The following FRYL variants were observed in gnomAD, a reference collection of about 807,000 sequenced individuals.
FRYL encodes protein furry homolog-like.
In FRYL, 150 loss-of-function variants were observed where a neutral mutation model predicts 351.2. The ratio of observed to expected loss-of-function variants is 0.43; its 90% confidence interval spans 0.37 to 0.49. The LOEUF (loss-of-function observed/expected upper bound fraction) is 0.49. FRYL is among the 20% of genes least tolerant of loss of function. The pLI, the probability that FRYL is intolerant of heterozygous loss-of-function variation, is 0.00. For synonymous variants in FRYL, 1,153 were observed against 1,257.1 expected (o/e 0.92, Z 1.75); for missense variants, 3,036 against 3,619.3 (o/e 0.84, Z 4.13).
chr4:48,505,345 G>A (rs1372120826), intron 60 of FRYL: 11 of 624,882 alleles, frequency 1.8e-5, no homozygotes, highest in Admixed American at 1.4e-4. Flanking sequence ...CAAGCTGGTC[G>A]TTCATTTTTA....
chr4:48,769,872 T>TA (rs1338968778), intron 1 of FRYL, among the ~76,000 whole-genome samples: 2 of 152,092 alleles, frequency 1.3e-5, no homozygotes, highest in African/African-American at 2.4e-5. Context: ...CTCAAAATGA[T>TA]AGAGTGAAAA....
chr4:48,739,749 T>G (rs1394950417), intron 1 of FRYL, among the ~76,000 whole-genome samples: 1 of 152,236 alleles, frequency 6.6e-6, no homozygotes, highest in African/African-American at 2.4e-5. Context: ...AAACTCATGT[T>G]GAAACTTAAT....
chr4:48,670,921 T>A (rs759153384), intron 3 of FRYL, among the ~76,000 whole-genome samples: 5 of 152,178 alleles, frequency 3.3e-5, no homozygotes, highest in Non-Finnish European at 7.3e-5. Flanking sequence ...AGTGATGATA[T>A]CTCTTTGATA....
chr4:48,618,822 C>T (rs1419919883), intron 7 of FRYL: 1 of 153,120 alleles, frequency 6.5e-6, no homozygotes, highest in Non-Finnish European at 1.5e-5. Context: ...CTGAAGTATT[C>T]TCACTTGACT....
chr4:48,733,539 G>A (rs1368102887), intron 1 of FRYL, among the ~76,000 whole-genome samples: 1 of 151,524 alleles, frequency 6.6e-6, no homozygotes, highest in East Asian at 1.9e-4. Flanking sequence ...AACAAGTGAA[G>A]GTAAATTAAA....
chr4:48,762,296 C>T (rs1774499296), intron 1 of FRYL, among the ~76,000 whole-genome samples: 1 of 152,204 alleles, frequency 6.6e-6, no homozygotes, highest in South Asian at 2.1e-4. Context: ...TATCTTGACA[C>T]ATAGAGCCTA....
At chr4:48,638,724 T>C (rs1243420273) in intron 3 of FRYL, among the ~76,000 whole-genome samples, 4 of 152,112 alleles carry the variant, frequency 2.6e-5, no homozygotes, top group South Asian at 2.1e-4. Flanking sequence ...CCATCAATGA[T>C]AGACTGAGTA....
intron 33 of FRYL, among the ~76,000 whole-genome samples, chr4:48,559,754 G>A (rs769620696): frequency 5.3e-5 from 8 of 151,320 alleles, no homozygotes; most frequent in African/African-American, 9.7e-5. Context: ...AAAAAGGGAC[G>A]GAAGGCAAGA....
intron 1 of FRYL, among the ~76,000 whole-genome samples, chr4:48,715,730 A>T (rs1016025040): frequency 6.6e-6 from 1 of 152,206 alleles, no homozygotes; most frequent in Non-Finnish European, 1.5e-5. Flanking sequence ...TGCCATCCCC[A>T]TCAAGCTAGC....
intron 35 of FRYL, among the ~76,000 whole-genome samples, chr4:48,555,889 T>G (rs754343907): frequency 2.0e-5 from 3 of 152,136 alleles, no homozygotes; most frequent in Non-Finnish European, 4.4e-5. Context: ...CTTTTATTTA[T>G]TTATTTATTT....
In FRYL at chr4:48,557,808, A is replaced by G. The variant is rs931934947; in HGVS notation, c.3866-96T>C. 8.1e-6 allele frequency: 11 copies of G among 1,356,624 alleles called. No homozygotes were observed. In the African/African-American group the frequency reaches 1.3e-4, roughly 16 times the overall value. 84.0% of individuals were successfully genotyped at this position (1,356,624 alleles called of 1,614,324 possible). On this transcript the variant is annotated intron_variant, in intron 33 of 63. Coordinates refer to ENST00000358350, the MANE Select transcript of FRYL (RefSeq NM_015030.2). ...AGATTTCAGAAGCCAGATTTTATTC[A>G]TTTTACTCATTACACTTAACAATTA...
intron 62 of FRYL, among the ~76,000 whole-genome samples, chr4:48,500,575 A>AC (rs1420327122): frequency 1.3e-5 from 2 of 152,158 alleles, no homozygotes; most frequent in Non-Finnish European, 2.9e-5. Context: ...AAGATTATTT[A>AC]CCCCAGGGTA....
chr4:48,555,238 C>A (rs1357790213), intron 35 of FRYL, among the ~76,000 whole-genome samples: 1 of 152,204 alleles, frequency 6.6e-6, no homozygotes, highest in East Asian at 1.9e-4. Flanking sequence ...CTAACTCCCC[C>A]ATTCGTTCAT....
intron 4 of FRYL, among the ~76,000 whole-genome samples, chr4:48,630,058 T>C (rs1752652031): frequency 6.6e-6 from 1 of 152,136 alleles, no homozygotes; most frequent in African/African-American, 2.4e-5. Context: ...AGTTATCTTC[T>C]GAGTCTAGTT....
intron 3 of FRYL, among the ~76,000 whole-genome samples, chr4:48,660,750 T>G (rs566046776): frequency 6.6e-6 from 1 of 152,190 alleles, no homozygotes; most frequent in Non-Finnish European, 1.5e-5. Context: ...TTGATAATGA[T>G]GTGATGAGAA....
intron 6 of FRYL, among the ~76,000 whole-genome samples, chr4:48,619,811 T>A (rs558462421): frequency 4.3e-4 from 65 of 152,342 alleles, no homozygotes; most frequent in African/African-American, 1.3e-3. Flanking sequence ...AGCTTTTTAA[T>A]AATCCAACAT....
intron 13 of FRYL, chr4:48,598,753 T>A (rs971252749): frequency 3.3e-6 from 2 of 602,358 alleles, no homozygotes; most frequent in Non-Finnish European, 4.2e-6. Flanking sequence ...AATGCAACAA[T>A]GGGAAAAGGA....
chr4:48,510,462 T>C (rs1445915695), intron 58 of FRYL, among the ~76,000 whole-genome samples: 14 of 152,164 alleles, frequency 9.2e-5, no homozygotes, highest in Admixed American at 9.2e-4. Flanking sequence ...TATCTTAATA[T>C]ATAATCTAGA....
At chr4:48,576,369 C>A in intron 23 of FRYL, 147 bp from the exon 24 acceptor site, 3 of 579,206 alleles carry the variant, frequency 5.2e-6, no homozygotes. Flanking sequence ...CTGGCATAAT[C>A]TTGGCTCACT....
Sources: gnomAD v4.1 joint callset for allele counts (sites outside exome capture counted in the v4.1 genomes callset) on GRCh38, gnomAD v4.1.1 for gene constraint, MANE v1.5 for transcripts, NCBI Gene and HGNC (gene_info 2026-07-23, HGNC 2026-07-21) for gene names.